Variants in ELP3 observed in about 807,000 individuals in gnomAD.
ELP3 encodes elongator acetyltransferase complex subunit 3.
ELP3 carries 56 observed loss-of-function variants against 74.9 expected under a neutral mutation model. The observed-to-expected ratio is 0.75, with a 90% confidence interval of 0.60 to 0.93. The LOEUF (loss-of-function observed/expected upper bound fraction) is 0.93, where lower values mean the gene tolerates loss of function less well. ELP3 is among the 40% of genes least tolerant of loss of function. The probability of loss-of-function intolerance (pLI) is 0.00; values close to 1 mark genes in which losing one functional copy is unlikely to be tolerated. For missense variants in ELP3, 573 were observed against 686.5 expected, an observed-to-expected ratio of 0.83 and a Z score of 1.85; for synonymous variants, 222 against 239.8, an observed-to-expected ratio of 0.93 and a Z score of 0.68.
intron 11 of ELP3, among the ~76,000 whole-genome samples, chr8:28,156,940 T>G (rs1378699630): frequency 6.6e-6 from 1 of 152,190 alleles, no homozygotes; most frequent in African/African-American, 2.4e-5. Context: ...AAGTGAACAA[T>G]TTTATGTTCC....
intron 10 of ELP3, among the ~76,000 whole-genome samples, chr8:28,146,093 T>C (rs567094941): frequency 6.6e-6 from 1 of 152,236 alleles, no homozygotes; most frequent in Non-Finnish European, 1.5e-5. Context: ...ACCTTTTTTT[T>C]AAAAAGACTA....
At chr8:28,099,084 C>A (rs4732818) in intron 2 of ELP3, among the ~76,000 whole-genome samples, 89,796 of 152,104 alleles carry the variant, frequency 0.59, 28,596 homozygotes, top group East Asian at 0.92. Context: ...CGTGTTAGGT[C>A]CTCAGTTAAT....
In ELP3 at chr8:28,137,550, G is replaced by C. The variant is rs558814004; in HGVS notation, c.907-148G>C. 3.0e-4 allele frequency: 207 copies of C among 680,758 alleles called. 1 individual carries two copies. In the South Asian group the frequency reaches 3.8e-3, roughly 13 times the overall value. The allele number at this position is 680,758 out of a possible 1,614,324, so 42.2% of individuals were successfully genotyped here. A position where few individuals can be genotyped will look rare whatever the true frequency, so the allele number is the denominator to read the frequency against. On this transcript the variant is annotated intron_variant, in intron 9 of 14. Coordinates refer to ENST00000256398, the MANE Select transcript of ELP3 (RefSeq NM_018091.6). ...GAGACTACAGAAACAAGGAGTTTCT[G>C]TTCTGTCTGTACGCCCTACCTGGTC...
At chr8:28,160,037 A>G (rs1470445688) in intron 12 of ELP3, among the ~76,000 whole-genome samples, 192 bp from the exon 13 acceptor site, 1 of 152,200 alleles carries the variant, frequency 6.6e-6, no homozygotes. Context: ...TCCTTTTATA[A>G]TAGTCCATGA....
intron 3 of ELP3, among the ~76,000 whole-genome samples, chr8:28,105,562 C>T (rs1256352882): frequency 1.3e-5 from 2 of 152,182 alleles, no homozygotes; most frequent in Non-Finnish European, 2.9e-5. Context: ...TTGCTGCTGC[C>T]AGACTCTCTC....
upstream of ELP3, chr8:28,092,818 G>A (rs531898537): frequency 1.9e-4 from 10 of 51,972 alleles, no homozygotes; most frequent in Non-Finnish European, 3.5e-4. Context: ...TGACGACCCT[G>A]GGCTCCCACT....
In ELP3 at chr8:28,110,621, C is replaced by A. The variant is rs1811880383; in HGVS notation, c.462+183C>A. The A allele has an allele frequency of 2.2e-5, 12 of 553,504 alleles. No homozygotes were observed. In the South Asian group the frequency reaches 2.6e-4, roughly 12 times the overall value. The allele number at this position is 553,504 out of a possible 1,614,324, so 34.3% of individuals were successfully genotyped here. On this transcript the variant is annotated intron_variant, in intron 6 of 14. Transcript: ENST00000256398. ...ATGCCTAGCAAGGTCAAAAACACTA[C>A]TTTCTTTAAAGACTGTATTTATTGT...
At chr8:28,121,327 T>TTA (rs1812362882) in intron 7 of ELP3, among the ~76,000 whole-genome samples, 2 of 149,448 alleles carry the variant, frequency 1.3e-5, no homozygotes, top group African/African-American at 2.4e-5. Flanking sequence ...TATTATTATT[T>TTA]TTTTTTTTTT....
intron 7 of ELP3, among the ~76,000 whole-genome samples, chr8:28,129,037 T>TC (rs1200735818): frequency 6.6e-6 from 1 of 151,726 alleles, no homozygotes; most frequent in African/African-American, 2.4e-5. Context: ...ACATATGCCC[T>TC]CCCCCCTTTT....
At chr8:28,095,198 A>G (rs925791597) in intron 1 of ELP3, among the ~76,000 whole-genome samples, 2 of 152,226 alleles carry the variant, frequency 1.3e-5, no homozygotes, top group Non-Finnish European at 2.9e-5. Context: ...CCCTATCTTT[A>G]AAGATCCCTG....
At chr8:28,105,595 A>G (rs1022524953) in intron 3 of ELP3, among the ~76,000 whole-genome samples, 4 of 152,212 alleles carry the variant, frequency 2.6e-5, no homozygotes, top group African/African-American at 9.6e-5. Flanking sequence ...GAGGACATAT[A>G]TATGTATAGC....
At chr8:28,159,021 G>A (rs925640148) in intron 12 of ELP3, among the ~76,000 whole-genome samples, 6 of 152,108 alleles carry the variant, frequency 3.9e-5, no homozygotes, top group African/African-American at 1.4e-4. Context: ...CTGTGACTAC[G>A]AGCTACATTT....
chr8:28,125,138 A>G (rs1473933285), intron 7 of ELP3, among the ~76,000 whole-genome samples: 1 of 152,224 alleles, frequency 6.6e-6, no homozygotes, highest in African/African-American at 2.4e-5. Flanking sequence ...CCAAGGAGTT[A>G]CACCAATAAC....
intron 7 of ELP3, among the ~76,000 whole-genome samples, chr8:28,122,300 C>G (rs1018562599): frequency 6.6e-6 from 1 of 152,106 alleles, no homozygotes; most frequent in African/African-American, 2.4e-5. Flanking sequence ...ATTAGTGTAA[C>G]GCAGGCTTCA....
intron 10 of ELP3, 69 bp downstream of exon 10, chr8:28,137,960 T>G: frequency 7.4e-7 from 1 of 1,354,704 alleles, no homozygotes; most frequent in Non-Finnish European, 9.8e-7. Context: ...ATGGAAATAG[T>G]CTGATTTCAT....
intron 10 of ELP3, among the ~76,000 whole-genome samples, chr8:28,138,446 C>A (rs1315405927): frequency 6.6e-6 from 1 of 152,178 alleles, no homozygotes; most frequent in Non-Finnish European, 1.5e-5. Flanking sequence ...TTTATACTTA[C>A]ATACATACAT....
intron 7 of ELP3, among the ~76,000 whole-genome samples, chr8:28,121,772 C>T (rs1812383280): frequency 6.6e-6 from 1 of 152,156 alleles, no homozygotes; most frequent in African/African-American, 2.4e-5. Context: ...CCTAAACAAT[C>T]ATGTCATCTG....
intron 3 of ELP3, among the ~76,000 whole-genome samples, chr8:28,105,219 TA>T (rs796711728): frequency 3.8e-3 from 543 of 143,134 alleles, no homozygotes; most frequent in African/African-American, 8.2e-3. Context: ...CTGTCTCTAC[TA>T]AAAAAAAAAA....
At chr8:28,100,498 A>G (rs1034971308) in intron 3 of ELP3, among the ~76,000 whole-genome samples, 1 of 152,254 alleles carries the variant, frequency 6.6e-6, no homozygotes, top group Non-Finnish European at 1.5e-5. Context: ...GCACAGAGGT[A>G]GAAATGACAG....
Sources: allele counts gnomAD v4.1 joint callset (sites outside exome capture counted in the v4.1 genomes callset), GRCh38; gene constraint gnomAD v4.1.1; transcripts MANE v1.5; gene names NCBI Gene and HGNC (gene_info 2026-07-23, HGNC 2026-07-21).